Variants in NOTCH4 observed in about 807,000 individuals in gnomAD.
NOTCH4 encodes neurogenic locus notch homolog protein 4.
Under a neutral mutation model 189.0 loss-of-function variants are expected in NOTCH4, and 138 were observed. That is an observed-to-expected ratio of 0.73 (90% CI 0.64 to 0.84). The LOEUF (loss-of-function observed/expected upper bound fraction) is 0.84, where lower values mean the gene tolerates loss of function less well. Ranked by LOEUF, NOTCH4 falls within the 40% of genes least tolerant of loss-of-function variation. The pLI is 0.00. For synonymous variants in NOTCH4, 942 were observed against 1,032.8 expected, an observed-to-expected ratio of 0.91 and a Z score of 1.69; for missense variants, 2,286 against 2,605.4, an observed-to-expected ratio of 0.88 and a Z score of 2.67.
chr6:32,214,466 G>GATATATAT (rs1554151235), intron 12 of NOTCH4, among the ~76,000 whole-genome samples: 21 of 116,734 alleles, frequency 1.8e-4, no homozygotes, highest in African/African-American at 5.4e-4. Context: ...TCTAGTTGGA[G>GATATATAT]ATATATATAT....
rs190157809 is a variant in NOTCH4, at chr6:32,217,523, A to T, written c.1625-257T>A. Reference sequence around the variant, plus strand: ...TGTGTAAAAGGGGAATAATAATGGAACCTACCTCATGGTACTGTTAAAAAG... The same window carrying T: ...TGTGTAAAAGGGGAATAATAATGGATCCTACCTCATGGTACTGTTAAAAAG... On this transcript the variant is annotated intron_variant, in intron 9 of 29. Transcript: ENST00000375023. This position sits in a 1 kb window ranked among gnomAD's most constrained non-coding sequence, Gnocchi z 4.2. Among the ~76,000 whole-genome samples the T allele has an allele frequency of 1.2e-4, 19 of 152,280 alleles. No homozygotes were observed. The highest frequency in any genetic ancestry group is 1.2e-3 in the Admixed American group (18 of 15,296).
intron 6 of NOTCH4, 22 bp downstream of exon 6, chr6:32,220,383 C>G (rs1243625078): frequency 3.1e-6 from 5 of 1,613,566 alleles, no homozygotes; most frequent in Non-Finnish European, 4.2e-6. Flanking sequence ...CTCCCACCTC[C>G]TGATACCCTC....
In NOTCH4 at chr6:32,199,643, GCAGT is replaced by G. The variant is rs1788211712; in HGVS notation, c.4316-502_4316-499del. On this transcript the variant is annotated intron_variant, in intron 23 of 29. Coordinates refer to ENST00000375023, the MANE Select transcript of NOTCH4 (RefSeq NM_004557.4). The surrounding 1 kb of genome is among the most constrained non-coding windows in gnomAD (Gnocchi z 4.9). ...GGCGTGAACTTGGGAGGTGGAGCTT[GCAGT>G]GAGCCGAGATCGCGCCACTGCACTC... Among the ~76,000 whole-genome samples, 1 of 152,156 alleles carries G rather than the reference GCAGT, an allele frequency of 6.6e-6. No individual in the cohort carries two copies. Among genetic ancestry groups the G allele is most frequent in the Non-Finnish European group, 1.5e-5 (1 of 68,044 alleles).
intron 18 of NOTCH4, among the ~76,000 whole-genome samples, chr6:32,207,729 C>A (rs1408604396): frequency 5.3e-5 from 8 of 151,138 alleles, no homozygotes; most frequent in African/African-American, 1.9e-4. Context: ...AAACTTGAAG[C>A]CACTAAAAAA....
rs1789096275 is a variant in NOTCH4 at position 32,212,621 on chromosome 6, T to A, written c.2533A>T (p.Met845Leu). The change falls in exon 17 of 30, where the codon ATG becomes TTG. Residue 845 changes from methionine to leucine, a missense_variant. Physicochemically the swap from Met to Leu is conservative, Grantham distance 15. Transcript: ENST00000375023. This position sits in a 1 kb window ranked among gnomAD's most constrained non-coding sequence, Gnocchi z 4.4. Reference protein sequence around the residue: ...GYTGGSCQTLMDLCAQKPCPR... With the variant: ...GYTGGSCQTLLDLCAQKPCPR... ...CAGGGCTTCTGGGCACATAAGTCCATCAGAGTCTGAGGGGTGGGAGGGAGC... is the reference window on the plus strand; with the variant it reads ...CAGGGCTTCTGGGCACATAAGTCCAACAGAGTCTGAGGGGTGGGAGGGAGC... 3.1e-6 allele frequency: 5 copies of A among 1,610,684 alleles called. No homozygotes were observed. The highest frequency in any genetic ancestry group is 4.2e-6 in the Non-Finnish European group (5 of 1,178,762).
chr6:32,214,269 G>T lies in NOTCH4; in HGVS notation c.2022-14C>A. The T allele has an allele frequency of 6.2e-7, 1 of 1,611,796 alleles. No individual in the cohort carries two copies. Among genetic ancestry groups the T allele is most frequent in the Non-Finnish European group, 8.5e-7 (1 of 1,179,170 alleles). On this transcript the variant is annotated splice_polypyrimidine_tract_variant and intron_variant, in intron 12 of 29. Coordinates refer to ENST00000375023, the MANE Select transcript of NOTCH4 (RefSeq NM_004557.4). The stretch of plus-strand genomic sequence containing the variant: ...ACACATGAGGATCTGGTTGTAAAGA[G>T]AAAGGGGAGGGTTTTTCTCTTCTCC...
At chr6:32,213,034 G>C in intron 15 of NOTCH4, 101 bp downstream of exon 15, 1 of 1,245,224 alleles carries the variant, frequency 8.0e-7, no homozygotes, top group Admixed American at 1.8e-5. Flanking sequence ...GCGGAACGAG[G>C]TGTGGGGTGG....
In NOTCH4 at chr6:32,220,575, C is replaced by G. The variant is rs1789692860; in HGVS notation, c.989G>C (p.Gly330Ala). 6.2e-7 allele frequency: 1 copy of G among 1,613,814 alleles called. No homozygotes were observed. Among genetic ancestry groups the G allele is most frequent in the East Asian group, 2.2e-5 (1 of 44,876 alleles). The change falls in exon 6 of 30, where the codon GGC (glycine) becomes GCC (alanine). Residue 330 changes from glycine to alanine, a missense_variant. Coordinates refer to ENST00000375023, the MANE Select transcript of NOTCH4 (RefSeq NM_004557.4). ...GCTACCAGCAGAGTTCTGGCAGGTGCCCCCGTTTCTGCAGTGAGGGGGACC... is the reference window on the plus strand; with the variant it reads ...GCTACCAGCAGAGTTCTGGCAGGTGGCCCCGTTTCTGCAGTGAGGGGGACC... The part of the protein sequence containing the change: ...TQGPPHCRNG[G>A]TCQNSAGSFH...
In NOTCH4 at chr6:32,222,730, C is replaced by T; in HGVS notation, c.232G>A (p.Gly78Ser). ...CQNAQLCQNG[G>S]SCQALLPAPL... ...GCGGGAAGCAGGGCTTGGCAGCTGC[C>T]TCCATTTTGGCAGAGCTGGGCGTTC... The change falls in exon 3 of 30, where the codon GGC (glycine) becomes AGC (serine). Residue 78 changes from glycine to serine, a missense_variant. Coordinates refer to ENST00000375023, the MANE Select transcript of NOTCH4 (RefSeq NM_004557.4). 6.2e-7 allele frequency: 1 copy of T among 1,610,708 alleles called. No homozygotes were observed. Among genetic ancestry groups the T allele is most frequent in the Non-Finnish European group, 8.5e-7 (1 of 1,178,946 alleles).
intron 7 of NOTCH4, 113 bp from the exon 8 acceptor site, chr6:32,219,899 G>A: frequency 1.1e-6 from 1 of 934,004 alleles, no homozygotes; most frequent in South Asian, 1.7e-5. Context: ...ACCAAATTGG[G>A]GAAGGGGCTT....
chr6:32,201,406 A>G lies in NOTCH4; in HGVS notation c.3850T>C (p.Cys1284Arg). The change falls in exon 22 of 30, where the codon TGC becomes CGC. Residue 1284 changes from cysteine (C) to arginine (R), a missense_variant. Coordinates refer to ENST00000375023, the MANE Select transcript of NOTCH4 (RefSeq NM_004557.4). This position sits in a 1 kb window ranked among gnomAD's most constrained non-coding sequence, Gnocchi z 5.5. ...TAECGWDGGD[C>R]RPEDGDPEWG... ...TCTGGGTCCCCATCTTCAGGCCTGC[A>G]GTCACCTCCATCCCAGCCACACTCT... 6.4e-7 allele frequency: 1 copy of G among 1,569,044 alleles called. No individual in the cohort carries two copies. Among genetic ancestry groups the G allele is most frequent in the South Asian group, 1.2e-5 (1 of 83,218 alleles).
At chr6:32,222,150 G>A (rs1165885404) in intron 3 of NOTCH4, among the ~76,000 whole-genome samples, 1 of 152,126 alleles carries the variant, frequency 6.6e-6, no homozygotes, top group Non-Finnish European at 1.5e-5. Flanking sequence ...CAGAATGGGA[G>A]CCATTCAGAT....
In NOTCH4 at chr6:32,195,922, C is replaced by A; in HGVS notation, c.5527G>T (p.Ala1843Ser). 1 of 1,586,126 alleles carries A rather than the reference C, an allele frequency of 6.3e-7. No individual in the cohort carries two copies. The change falls in exon 30 of 30, where the codon GCA becomes TCA. Residue 1843 changes from alanine (A) to serine (S), a missense_variant. Ala to Ser is a moderately conservative substitution (Grantham distance 99). Coordinates refer to ENST00000375023, the MANE Select transcript of NOTCH4 (RefSeq NM_004557.4). This position sits in a 1 kb window ranked among gnomAD's most constrained non-coding sequence, Gnocchi z 5.4. ...GGCACGCTTACTGACACCGTCCGTG[C>A]GCGCGGGAAGGGCCCAGCCTCGCGG... ...PGREAGPFPR[A>S]RTVSVSVPPH...
rs532146118 is a variant in NOTCH4 at position 32,209,753 on chromosome 6, C to T, written c.2865+999G>A. Among the ~76,000 whole-genome samples, 10 of 152,050 alleles carry T rather than the reference C, an allele frequency of 6.6e-5. No individual in the cohort carries two copies. In the East Asian group the frequency reaches 7.8e-4, roughly 12 times the overall value. On this transcript the variant is annotated intron_variant, in intron 18 of 29. Transcript: ENST00000375023. ...CAAAAATTAGCCAGGCGTGGTGGCGCGTTCCTGTAATCCCAGCTACTCGGG... is the reference window on the plus strand; with the variant it reads ...CAAAAATTAGCCAGGCGTGGTGGCGTGTTCCTGTAATCCCAGCTACTCGGG...
Position 32,212,669 on chromosome 6 carries a change from A to C in NOTCH4, c.2527-42T>G, listed in dbSNP as rs1789100982. 6.3e-7 allele frequency: 1 copy of C among 1,582,370 alleles called. No individual in the cohort carries two copies. Among genetic ancestry groups the C allele is most frequent in the East Asian group, 2.2e-5 (1 of 44,670 alleles). The stretch of plus-strand genomic sequence containing the variant: ...AGCGTGAGGCAGGACATAGCATCAG[A>C]TTCTCAGCCCAGAGATGGTCCTCTG... On this transcript the variant is annotated intron_variant, in intron 16 of 29. Transcript: ENST00000375023. This position sits in a 1 kb window ranked among gnomAD's most constrained non-coding sequence, Gnocchi z 4.4.
Position 32,197,092 on chromosome 6 carries a change from G to C in NOTCH4, c.5053-20C>G, listed in dbSNP as rs2071280. 452,944 of 1,608,470 alleles carry C rather than the reference G, an allele frequency of 0.28. 67,805 individuals carry two copies. The highest frequency in any genetic ancestry group is 0.44 in the Middle Eastern group (2,644 of 6,048). ...CAGAAGCTGGGGAGACAGAGGGCCA[G>C]TGACCCCTGGGGTACCTTGGACTGC... On this transcript the variant is annotated intron_variant, in intron 27 of 29. Coordinates refer to ENST00000375023, the MANE Select transcript of NOTCH4 (RefSeq NM_004557.4).
chr6:32,213,666 C>T, intron 14 of NOTCH4, 22 bp downstream of exon 14: 1 of 1,611,378 alleles, frequency 6.2e-7, no homozygotes, highest in Non-Finnish European at 8.5e-7. Flanking sequence ...GACCCCAGCC[C>T]CATGACACAG....
At chr6:32,209,815 G>A (rs1173777228) in intron 18 of NOTCH4, among the ~76,000 whole-genome samples, 2 of 151,874 alleles carry the variant, frequency 1.3e-5, no homozygotes, top group African/African-American at 2.4e-5. Flanking sequence ...CCTGGGAGGC[G>A]GGGGTTTCAG....
rs959566596 is a variant in NOTCH4 at position 32,212,448 on chromosome 6, C to T, written c.2680+26G>A. On this transcript the variant is annotated intron_variant, in intron 17 of 29. Transcript: ENST00000375023. The surrounding 1 kb of genome is among the most constrained non-coding windows in gnomAD (Gnocchi z 4.4). ...AACACCCATATTTTCTTCATTTGCT[C>T]TCCAGTCAGTGCCGGCGTTGGTTAC... The T allele has an allele frequency of 2.5e-6, 4 of 1,580,320 alleles. No individual in the cohort carries two copies.
Sources: gnomAD v4.1 joint callset for allele counts (sites outside exome capture counted in the v4.1 genomes callset) on GRCh38, gnomAD v4.1.1 for gene constraint, Gnocchi (gnomAD v3.1) non-coding constraint, MANE v1.5 for transcripts, NCBI Gene and HGNC (gene_info 2026-07-23, HGNC 2026-07-21) for gene names.